Variants in FBN2 observed in about 807,000 individuals in gnomAD.
FBN2 encodes the protein fibrillin 2.
A neutral mutation model predicts 355.6 loss-of-function variants in FBN2; 105 were observed. That is an observed-to-expected ratio of 0.30 (90% confidence interval 0.25 to 0.35). The LOEUF is 0.35. Among genes scored for constraint, FBN2 ranks in the 10% least tolerant of loss-of-function variants. FBN2 has a pLI of 1.00. For synonymous variants in FBN2, 1,350 were observed against 1,301.2 expected (o/e 1.04, Z -0.81); for missense variants, 3,280 against 3,758.7 (o/e 0.87, Z 3.33).
chr5:128,308,059 T>C (rs1385205035), intron 41 of FBN2, among the ~76,000 whole-genome samples: 2 of 152,154 alleles, frequency 1.3e-5, no homozygotes, highest in African/African-American at 2.4e-5. Flanking sequence ...ATCTCCCTAA[T>C]TGTCATTGCA....
At chr5:128,425,765 T>C (rs1361711052) in intron 7 of FBN2, among the ~76,000 whole-genome samples, 3 of 152,124 alleles carry the variant, frequency 2.0e-5, no homozygotes, top group Non-Finnish European at 4.4e-5. Context: ...CTTAATATCA[T>C]AAAAAGAAAG....
intron 8 of FBN2, among the ~76,000 whole-genome samples, chr5:128,401,732 T>C (rs1752803087): frequency 6.6e-6 from 1 of 152,036 alleles, no homozygotes; most frequent in Non-Finnish European, 1.5e-5. Context: ...AGTGAGCCGA[T>C]ATCACGCCAC....
intron 8 of FBN2, among the ~76,000 whole-genome samples, chr5:128,396,851 A>T (rs561312794): frequency 6.6e-6 from 1 of 152,310 alleles, no homozygotes; most frequent in African/African-American, 2.4e-5. Context: ...AGCAATCAGG[A>T]TCTGCATATC....
chr5:128,459,907 A>G (rs2127077299), intron 6 of FBN2, among the ~76,000 whole-genome samples: 1 of 152,326 alleles, frequency 6.6e-6, no homozygotes, highest in South Asian at 2.1e-4. Flanking sequence ...CCGGCACAAG[A>G]CAAGGATCCC....
chr5:128,311,611 T>C (rs1750059793), intron 38 of FBN2, among the ~76,000 whole-genome samples, 186 bp from the exon 39 acceptor site: 1 of 152,202 alleles, frequency 6.6e-6, no homozygotes, highest in Non-Finnish European at 1.5e-5. Flanking sequence ...CTTTTACCAT[T>C]ATCTGAGAAA....
At chr5:128,412,473 A>C (rs1369449491) in intron 7 of FBN2, among the ~76,000 whole-genome samples, 2 of 152,218 alleles carry the variant, frequency 1.3e-5, no homozygotes, top group Non-Finnish European at 2.9e-5. Context: ...CTAATTTCTG[A>C]ATGATGCCTC....
intron 9 of FBN2, among the ~76,000 whole-genome samples, chr5:128,393,666 T>C (rs1261218117): frequency 6.6e-6 from 1 of 152,390 alleles, no homozygotes; most frequent in Admixed American, 6.5e-5. Context: ...CCAGACATAA[T>C]TATAAATACA....
chr5:128,438,148 C>T (rs535917530), intron 7 of FBN2, among the ~76,000 whole-genome samples: 42 of 152,228 alleles, frequency 2.8e-4, no homozygotes, highest in African/African-American at 5.5e-4. Flanking sequence ...CATACTACCA[C>T]GTCTGGCTAA....
intron 5 of FBN2, among the ~76,000 whole-genome samples, chr5:128,493,392 G>T (rs918108807): frequency 6.6e-6 from 1 of 152,126 alleles, no homozygotes; most frequent in Admixed American, 6.6e-5. Flanking sequence ...AGAGAGAAAA[G>T]ATAATAATAA....
chr5:128,424,260 A>T (rs181423057), intron 7 of FBN2, among the ~76,000 whole-genome samples: 1 of 152,274 alleles, frequency 6.6e-6, no homozygotes, highest in Admixed American at 6.5e-5. Flanking sequence ...AAAAATGCAA[A>T]AGGTCCATCT....
In FBN2 at chr5:128,287,405, T is replaced by G. The variant is rs1561749096; in HGVS notation, c.6783A>C (p.Pro2261=). 2 of 1,614,000 alleles carry G rather than the reference T, an allele frequency of 1.2e-6. No homozygotes were observed. The highest frequency in any genetic ancestry group is 1.7e-6 in the Non-Finnish European group (2 of 1,179,906). ...CEDINECAQN[P]LLCAFRCMNT... ...TCATGCAGCGGAAAGCACACAGCAG[T>G]GGGTTCTGGGCACATTCGTTGATAT... The change falls in exon 54 of 65, where the codon CCA becomes CCC. Residue 2261 remains proline, a synonymous_variant. Coordinates refer to ENST00000262464, the MANE Select transcript of FBN2 (RefSeq NM_001999.4).
chr5:128,402,036 G>A (rs975237502), intron 8 of FBN2, among the ~76,000 whole-genome samples: 1 of 152,150 alleles, frequency 6.6e-6, no homozygotes, highest in Non-Finnish European at 1.5e-5. Flanking sequence ...CACTGGTGTA[G>A]CATCTCACAG....
chr5:128,536,860 T>TA (rs1032133515), intron 1 of FBN2, among the ~76,000 whole-genome samples: 1 of 152,124 alleles, frequency 6.6e-6, no homozygotes, highest in Non-Finnish European at 1.5e-5. Flanking sequence ...GGTCAACTGT[T>TA]ACTTTGGCCC....
At chr5:128,276,485 T>C (rs1008449427) in intron 58 of FBN2, among the ~76,000 whole-genome samples, 1 of 152,186 alleles carries the variant, frequency 6.6e-6, no homozygotes, top group Non-Finnish European at 1.5e-5. Flanking sequence ...TTTTGACCCA[T>C]GGATGTGGCA....
chr5:128,476,846 G>A (rs1010205646), intron 5 of FBN2, among the ~76,000 whole-genome samples: 25 of 152,142 alleles, frequency 1.6e-4, no homozygotes, highest in Admixed American at 7.9e-4. Flanking sequence ...CAATAGCTCC[G>A]TGAGGTTTCT....
intron 7 of FBN2, among the ~76,000 whole-genome samples, chr5:128,414,239 T>C (rs1038761868): frequency 6.6e-6 from 1 of 152,134 alleles, no homozygotes; most frequent in African/African-American, 2.4e-5. Context: ...TTCAGAACAT[T>C]TTCATCCCCC....
Position 128,390,909 on chromosome 5 carries a change from G to A in FBN2, c.1603+1109C>T, listed in dbSNP as rs116252300. 8.2e-3 allele frequency among the ~76,000 whole-genome samples: 1,243 copies of A among 152,230 alleles called. 17 individuals carry two copies. Among genetic ancestry groups the A allele is most frequent in the African/African-American group, 0.028 (1,175 of 41,548 alleles). ...ATTATTTAACACTGTATGCTTGATT[G>A]TTTCTCAGCAATTTGAAGGCATTTT... On this transcript the variant is annotated intron_variant, in intron 11 of 64. Coordinates refer to ENST00000262464, the MANE Select transcript of FBN2 (RefSeq NM_001999.4).
At chr5:128,472,134 G>A (rs1754876588) in intron 5 of FBN2, among the ~76,000 whole-genome samples, 1 of 152,138 alleles carries the variant, frequency 6.6e-6, no homozygotes, top group African/African-American at 2.4e-5. Context: ...CAGATGAATA[G>A]ATAACAAAAT....
At chr5:128,432,184 TA>T (rs1753645681) in intron 7 of FBN2, among the ~76,000 whole-genome samples, 1 of 152,210 alleles carries the variant, frequency 6.6e-6, no homozygotes, top group Non-Finnish European at 1.5e-5. Flanking sequence ...TAATCAATAA[TA>T]TTTTCAGGAA....
Sources: gnomAD v4.1 joint callset for allele counts (sites outside exome capture counted in the v4.1 genomes callset) on GRCh38, gnomAD v4.1.1 for gene constraint, MANE v1.5 for transcripts, NCBI Gene and HGNC (gene_info 2026-07-23, HGNC 2026-07-21) for gene names.